Variants in KCNQ4 observed in about 807,000 individuals in gnomAD.
The protein encoded by KCNQ4 is potassium voltage-gated channel subfamily Q member 4, also known as potassium voltage-gated channel subfamily KQT member 4.
KCNQ4 carries 31 observed loss-of-function variants against 72.6 expected under a neutral mutation model. The observed-to-expected ratio is 0.43, with a 90% CI of 0.32 to 0.58. The LOEUF is 0.58. Among genes scored for constraint, KCNQ4 ranks in the 20% least tolerant of loss-of-function variants. The probability of loss-of-function intolerance (pLI) is 0.08; values close to 1 mark genes in which losing one functional copy is unlikely to be tolerated. For missense variants in KCNQ4, 869 were observed against 962.6 expected, an observed-to-expected ratio of 0.90 and a Z score of 1.29; for synonymous variants, 405 against 403.7, an observed-to-expected ratio of 1.00 and a Z score of -0.04.
chr1:40,786,727 G>A (rs1048631639), intron 1 of KCNQ4, among the ~76,000 whole-genome samples: 1 of 152,130 alleles, frequency 6.6e-6, no homozygotes, highest in Non-Finnish European at 1.5e-5. Context: ...CCAACCTTGC[G>A]GCCTCTCTCT....
chr1:40,801,730 C>G (rs1225463316), intron 1 of KCNQ4, among the ~76,000 whole-genome samples: 1 of 152,216 alleles, frequency 6.6e-6, no homozygotes, highest in Admixed American at 6.5e-5. Flanking sequence ...TGTCAGCACT[C>G]ACCTCTCTGG....
rs575110781 is a variant in KCNQ4, at chr1:40,819,769, C to G, written c.835-106C>G. Reference sequence around the variant, plus strand: ...GACCCTAACCAGCCCCCGTGGGTGACCAGGGGCCCCTTCCCTCATGATCAG... The same window carrying G: ...GACCCTAACCAGCCCCCGTGGGTGAGCAGGGGCCCCTTCCCTCATGATCAG... On this transcript the variant is annotated intron_variant, in intron 5 of 13. Coordinates refer to ENST00000347132, the MANE Select transcript of KCNQ4 (RefSeq NM_004700.4). 20 of 971,138 alleles carry G rather than the reference C, an allele frequency of 2.1e-5. No homozygotes were observed. The Admixed American group carries it at 2.4e-4, about 11-fold the overall frequency. The allele number at this position is 971,138 out of a possible 1,614,324, so 60.2% of individuals were successfully genotyped here. A position where few individuals can be genotyped will look rare whatever the true frequency, so the allele number is the denominator to read the frequency against.
At chr1:40,825,534 C>T (rs1033776966) in intron 9 of KCNQ4, among the ~76,000 whole-genome samples, 2 of 151,780 alleles carry the variant, frequency 1.3e-5, no homozygotes, top group Admixed American at 1.3e-4. Flanking sequence ...ACTTCTGGGC[C>T]AGGGGCTGAA....
chr1:40,812,183 C>T (rs935137437), intron 1 of KCNQ4, among the ~76,000 whole-genome samples: 1 of 152,234 alleles, frequency 6.6e-6, no homozygotes, highest in African/African-American at 2.4e-5. Flanking sequence ...TGATCCTGAA[C>T]AAGTCTATCC....
At chr1:40,819,530 C>T (rs1648218213) in intron 5 of KCNQ4, 58 bp downstream of exon 5, 1 of 1,605,200 alleles carries the variant, frequency 6.2e-7, no homozygotes, top group South Asian at 1.1e-5. Context: ...TGGGAACTTC[C>T]CGAGGTCTGC....
chr1:40,817,240 C>G lies in KCNQ4; in HGVS notation c.315-25C>G. The G allele has an allele frequency of 6.3e-7, 1 of 1,591,080 alleles. No homozygotes were observed. Among genetic ancestry groups the G allele is most frequent in the Non-Finnish European group, 8.6e-7 (1 of 1,160,170 alleles). On this transcript the variant is annotated intron_variant, in intron 1 of 13. Coordinates refer to ENST00000347132, the MANE Select transcript of KCNQ4 (RefSeq NM_004700.4). This position sits in a 1 kb window ranked among gnomAD's most constrained non-coding sequence, Gnocchi z 5.5. The stretch of plus-strand genomic sequence containing the variant: ...TGTCCTGTCCCTCCAACAATCTAAC[C>G]CTCTCCCTCATGTTGTAATTGCAGA...
At chr1:40,829,247 G>T (rs1236345116) in intron 9 of KCNQ4, among the ~76,000 whole-genome samples, 3 of 152,236 alleles carry the variant, frequency 2.0e-5, no homozygotes, top group Admixed American at 6.5e-5. Flanking sequence ...ACCGGGCAGG[G>T]TGGAGGGTGC....
intron 9 of KCNQ4, among the ~76,000 whole-genome samples, chr1:40,826,905 C>G (rs896205526): frequency 1.3e-5 from 2 of 152,232 alleles, no homozygotes; most frequent in African/African-American, 4.8e-5. Context: ...CGTGCAGGAG[C>G]CTTAAGGATG....
At chr1:40,799,954 C>T (rs4660463) in intron 1 of KCNQ4, among the ~76,000 whole-genome samples, 43,980 of 152,124 alleles carry the variant, frequency 0.29, 7,012 homozygotes, top group Non-Finnish European at 0.36. Context: ...GGTGGAGTCA[C>T]GGGTTGGGGC....
At chr1:40,798,636 AT>A (rs575850895) in intron 1 of KCNQ4, among the ~76,000 whole-genome samples, 42 of 152,322 alleles carry the variant, frequency 2.8e-4, no homozygotes, top group Non-Finnish European at 2.8e-4. Context: ...CCTGTCTAGG[AT>A]CCCTGATGGA....
chr1:40,822,135 G>A (rs1648316309), intron 7 of KCNQ4, among the ~76,000 whole-genome samples, 179 bp from the exon 8 acceptor site: 1 of 152,170 alleles, frequency 6.6e-6, no homozygotes, highest in South Asian at 2.1e-4. Flanking sequence ...CGGGGAAGTC[G>A]TTTCTCCCTA....
At chr1:40,818,409 C>CCCACCCCCCAAACCAGCCCCAA in intron 3 of KCNQ4, 96 bp from the exon 4 acceptor site, 1 of 1,500,982 alleles carries the variant, frequency 6.7e-7, no homozygotes. Flanking sequence ...CCCTCCCCCT[C>CCCACCCCCCAAACCAGCCCCAA]CCTCCCCAGT....
intron 12 of KCNQ4, 63 bp downstream of exon 12, chr1:40,835,161 A>G: frequency 6.3e-7 from 1 of 1,581,578 alleles, no homozygotes; most frequent in Non-Finnish European, 8.6e-7. Flanking sequence ...CCCTGAATGA[A>G]GTCTGAGGCC....
At position 40,838,477 on chromosome 1, in the gene KCNQ4, C is replaced by G; in HGVS notation, c.2042C>G (p.Ala681Gly). The G allele has an allele frequency of 6.2e-7, 1 of 1,614,166 alleles. No homozygotes were observed. Among genetic ancestry groups the G allele is most frequent in the Non-Finnish European group, 8.5e-7 (1 of 1,179,984 alleles). The part of the protein sequence containing the change: ...PVDHEDISVS[A>G]QTLSISRSVS... ...GACCACGAGGACATCTCCGTCTCCG[C>G]ACAGACGCTCAGCATCTCCCGCTCG... Residue 681 changes from alanine (A) to glycine (G), a missense_variant, in exon 14 of 14, where the codon GCA (alanine) becomes GGA (glycine). This residue lies in a region of KCNQ4 where 480 missense variants were observed against 501.9 expected (regional missense o/e 0.96). Transcript: ENST00000347132.
intron 1 of KCNQ4, among the ~76,000 whole-genome samples, chr1:40,797,347 A>G (rs1192234027): frequency 1.3e-5 from 2 of 152,240 alleles, no homozygotes; most frequent in Non-Finnish European, 2.9e-5. Context: ...GGAGCAAGGA[A>G]CAGTGTTTCA....
intron 3 of KCNQ4, 99 bp from the exon 4 acceptor site, chr1:40,818,406 C>A: frequency 6.5e-7 from 1 of 1,550,136 alleles, no homozygotes; most frequent in Non-Finnish European, 8.8e-7. Flanking sequence ...GGACCCTCCC[C>A]CTCCCTCCCC....
intron 9 of KCNQ4, among the ~76,000 whole-genome samples, chr1:40,828,080 G>A (rs1420634173): frequency 6.6e-6 from 1 of 152,202 alleles, no homozygotes; most frequent in African/African-American, 2.4e-5. Flanking sequence ...TGTTTCCATA[G>A]TCCCTGAAGA....
chr1:40,824,138 A>G lies in KCNQ4; in HGVS notation c.1172A>G (p.Asn391Ser), dbSNP rs1256669515. 8.9e-6 allele frequency: 14 copies of G among 1,564,460 alleles called. No homozygotes were observed. In the Admixed American group the frequency reaches 2.3e-4, roughly 25 times the overall value. ...TTTGAGCACGTGCAACGGGCCCGCAATGGGGGCCTACGGCCCCTGGAGGTG... is the reference window on the plus strand; with the variant it reads ...TTTGAGCACGTGCAACGGGCCCGCAGTGGGGGCCTACGGCCCCTGGAGGTG... ...LLFEHVQRARNGGLRPLEVRR... is the reference protein window; with the variant it reads ...LLFEHVQRARSGGLRPLEVRR... Residue 391 changes from asparagine to serine, a missense_variant, in exon 9 of 14, where the codon AAT (asparagine) becomes AGT (serine). Asn to Ser is a conservative substitution (Grantham distance 46). This residue lies in a region of KCNQ4 where 480 missense variants were observed against 501.9 expected (regional missense o/e 0.96). Coordinates refer to ENST00000347132, the MANE Select transcript of KCNQ4 (RefSeq NM_004700.4).
intron 8 of KCNQ4, among the ~76,000 whole-genome samples, chr1:40,823,010 C>T (rs1371162918): frequency 6.6e-6 from 1 of 152,230 alleles, no homozygotes; most frequent in African/African-American, 2.4e-5. Context: ...CCTGGCTAGG[C>T]CCTCAGGCAG....
Sources: gnomAD v4.1 joint callset for allele counts (sites outside exome capture counted in the v4.1 genomes callset) on GRCh38, gnomAD v4.1.1 for gene constraint, gnomAD v4.1.1 regional missense constraint, Gnocchi (gnomAD v3.1) non-coding constraint, MANE v1.5 for transcripts, NCBI Gene and HGNC (gene_info 2026-07-23, HGNC 2026-07-21) for gene names.